APP: variants seen among roughly 807,000 people sequenced by gnomAD.
APP encodes the protein amyloid-beta precursor protein.
In APP, 31 loss-of-function variants were observed where a neutral mutation model predicts 101.4. The ratio of observed to expected loss-of-function variants is 0.31; its 90% CI spans 0.23 to 0.41. The LOEUF is 0.41. Ranked by LOEUF, APP falls within the 10% of genes least tolerant of loss-of-function variation. The pLI is 1.00. For missense variants in APP, 839 were observed against 1,003.7 expected (o/e 0.84, Z 2.22); for synonymous variants, 366 against 364.4 (o/e 1.00, Z -0.05).
In APP at chr21:25,933,571, T is replaced by G. The variant is rs112506898; in HGVS notation, c.1687+21019A>C. ...AATGAACCTCCCTTTGTAAGTATGA[T>G]GTAAGCAATCCTTACTTGGCTACAC... On this transcript the variant is annotated intron_variant, in intron 13 of 17. Coordinates refer to ENST00000346798, the MANE Select transcript of APP (RefSeq NM_000484.4). Among the ~76,000 whole-genome samples the G allele has an allele frequency of 6.0e-3, 908 of 152,366 alleles. 9 individuals carry two copies. The highest frequency in any genetic ancestry group is 0.021 in the African/African-American group (869 of 41,584).
intron 5 of APP, among the ~76,000 whole-genome samples, chr21:26,045,687 G>A (rs1261866678): frequency 6.6e-6 from 1 of 152,148 alleles, no homozygotes; most frequent in Non-Finnish European, 1.5e-5. Context: ...TAGAGGGCAA[G>A]GTGACGTCTT....
chr21:25,900,085 G>A (rs1313514235), intron 15 of APP, among the ~76,000 whole-genome samples: 1 of 151,998 alleles, frequency 6.6e-6, no homozygotes, highest in Non-Finnish European at 1.5e-5. Flanking sequence ...CTGCTGAAAC[G>A]AACCTTTCTG....
chr21:26,013,969 G>A, intron 6 of APP, among the ~76,000 whole-genome samples: 1 of 152,162 alleles, frequency 6.6e-6, no homozygotes, highest in East Asian at 1.9e-4. Context: ...CACATCTATG[G>A]TCAGTGCTGA....
chr21:26,019,421 A>G (rs2044237634), intron 6 of APP, among the ~76,000 whole-genome samples: 1 of 152,080 alleles, frequency 6.6e-6, no homozygotes, highest in African/African-American at 2.4e-5. Context: ...TCTAGTTCAA[A>G]TGTCATGCTC....
chr21:26,078,784 G>A lies in APP; in HGVS notation c.355+11159C>T, dbSNP rs1055368510. 4.6e-5 allele frequency among the ~76,000 whole-genome samples: 7 copies of A among 152,288 alleles called. No homozygotes were observed. In the South Asian group the frequency reaches 1.2e-3, roughly 27 times the overall value. ...AACTCGGCAGGGTGTGGTGGCTCACGCCTGTAATCCCAGCACTTTGGGAGG... is the reference window on the plus strand; with the variant it reads ...AACTCGGCAGGGTGTGGTGGCTCACACCTGTAATCCCAGCACTTTGGGAGG... On this transcript the variant is annotated intron_variant, in intron 3 of 17. Transcript: ENST00000346798.
At chr21:25,940,117 A>T (rs1281749031) in intron 13 of APP, among the ~76,000 whole-genome samples, 5 of 152,144 alleles carry the variant, frequency 3.3e-5, no homozygotes, top group African/African-American at 1.2e-4. Flanking sequence ...ATTTCTCTAT[A>T]ATCTTAAGGG....
intron 8 of APP, among the ~76,000 whole-genome samples, chr21:25,994,733 A>G (rs1369764701): frequency 1.3e-5 from 2 of 152,236 alleles, no homozygotes; most frequent in East Asian, 3.8e-4. Flanking sequence ...TGCCCAGTCT[A>G]ACAGGCTTGC....
rs45471394 is a variant in APP at position 26,164,117 on chromosome 21, C to T, written c.57+6447G>A. 3.6e-4 allele frequency among the ~76,000 whole-genome samples: 55 copies of T among 152,242 alleles called. No individual in the cohort carries two copies. In the East Asian group the frequency reaches 0.011, roughly 29 times the overall value. Reference sequence around the variant, plus strand: ...AAAATTAGCTGGGCATAGTGGCACACGCCTGTAATCCCAGCTACTCGGGAG... The same window carrying T: ...AAAATTAGCTGGGCATAGTGGCACATGCCTGTAATCCCAGCTACTCGGGAG... On this transcript the variant is annotated intron_variant, in intron 1 of 17. Transcript: ENST00000346798.
intron 2 of APP, among the ~76,000 whole-genome samples, chr21:26,096,568 TAAGG>T (rs1430268592): frequency 9.9e-5 from 15 of 152,172 alleles, no homozygotes; most frequent in African/African-American, 3.6e-4. Flanking sequence ...TGTCGTTAGA[TAAGG>T]AAGAAACTTG....
chr21:26,141,854 T>A (rs1601561184), intron 1 of APP, among the ~76,000 whole-genome samples: 1 of 152,170 alleles, frequency 6.6e-6, no homozygotes, highest in South Asian at 2.1e-4. Flanking sequence ...AAATGAAGCA[T>A]TCAAAAATTC....
intron 1 of APP, among the ~76,000 whole-genome samples, chr21:26,161,168 AG>A (rs1217703158): frequency 8.5e-5 from 13 of 152,242 alleles, no homozygotes; most frequent in Admixed American, 8.5e-4. Flanking sequence ...ATTACTGTAT[AG>A]AAAAGTGTGT....
At chr21:26,092,560 T>C (rs2061847144) in intron 2 of APP, among the ~76,000 whole-genome samples, 1 of 152,098 alleles carries the variant, frequency 6.6e-6, no homozygotes, top group Non-Finnish European at 1.5e-5. Flanking sequence ...CACAGAAGAT[T>C]TTTAGGGCAG....
chr21:25,961,335 A>C (rs1003835719), intron 11 of APP, among the ~76,000 whole-genome samples: 9 of 152,246 alleles, frequency 5.9e-5, no homozygotes, highest in Non-Finnish European at 1.2e-4. Flanking sequence ...CACTTTGGGC[A>C]CATGTCATCA....
chr21:25,923,518 TCAAA>T (rs2039725440), intron 13 of APP, among the ~76,000 whole-genome samples: 1 of 100,308 alleles, frequency 1.0e-5, no homozygotes, highest in South Asian at 4.2e-4. Context: ...TACAATGAAC[TCAAA>T]CAAATTTACA....
At chr21:25,926,904 G>A (rs1320093796) in intron 13 of APP, among the ~76,000 whole-genome samples, 1 of 150,016 alleles carries the variant, frequency 6.7e-6, no homozygotes. Flanking sequence ...TCGGGAGGCT[G>A]AGGCAGGAGA....
At chr21:25,945,076 T>G (rs1181727586) in intron 13 of APP, among the ~76,000 whole-genome samples, 3 of 152,132 alleles carry the variant, frequency 2.0e-5, no homozygotes, top group African/African-American at 4.8e-5. Context: ...TGCCCACACA[T>G]GCACAAAAAT....
intron 1 of APP, among the ~76,000 whole-genome samples, chr21:26,114,820 AT>A (rs981587451): frequency 1.3e-5 from 2 of 152,172 alleles, no homozygotes; most frequent in African/African-American, 4.8e-5. Flanking sequence ...TATGCTGACT[AT>A]CAAAAAGTGG....
At chr21:25,910,193 C>G (rs575455930) in intron 14 of APP, among the ~76,000 whole-genome samples, 1 of 28,464 alleles carries the variant, frequency 3.5e-5, no homozygotes, top group South Asian at 1.8e-3. Context: ...GTGGTGTGAT[C>G]TCAGCTCACT....
At position 25,948,004 on chromosome 21, in the gene APP, C is replaced by CAAAA. The variant is rs34371241; in HGVS notation, c.1687+6582_1687+6585dup. Among the ~76,000 whole-genome samples the CAAAA allele has an allele frequency of 3.5e-4, 25 of 70,886 alleles. 1 individual carries two copies. The highest frequency in any genetic ancestry group is 1.4e-3 in the East Asian group (3 of 2,194). The allele number at this position is 70,886 out of a possible 152,430, so 46.5% of individuals were successfully genotyped here. ...TGGGTGACTGAGCAAGACTCCATCT[C>CAAAA]AAAAAAAAAAAAAAAAAAAAAGTTC... On this transcript the variant is annotated intron_variant, in intron 13 of 17. Coordinates refer to ENST00000346798, the MANE Select transcript of APP (RefSeq NM_000484.4).
Sources: gnomAD v4.1 joint callset for allele counts (sites outside exome capture counted in the v4.1 genomes callset) on GRCh38, gnomAD v4.1.1 for gene constraint, MANE v1.5 for transcripts, NCBI Gene and HGNC (gene_info 2026-07-23, HGNC 2026-07-21) for gene names.